Variants in TRAPPC6A observed in about 807,000 individuals in gnomAD.
The protein encoded by TRAPPC6A is trafficking protein particle complex subunit 6A.
A neutral mutation model predicts 20.8 loss-of-function variants in TRAPPC6A; 25 were observed. The ratio of observed to expected loss-of-function variants is 1.20; its 90% CI spans 0.88 to 1.68. The LOEUF is 1.68. TRAPPC6A is among the 40% of genes most tolerant of loss of function. The pLI is 0.00. For missense variants in TRAPPC6A, 215 were observed against 211.6 expected, an observed-to-expected ratio of 1.02 and a Z score of -0.10; for synonymous variants, 96 against 93.3, an observed-to-expected ratio of 1.03 and a Z score of -0.16.
chr19:45,165,000 G>A, intron 2 of TRAPPC6A, 30 bp from the exon 3 acceptor site: 1 of 1,612,350 alleles, frequency 6.2e-7, no homozygotes. Context: ...CTGAGGCCGT[G>A]GGGCCAGGCC....
At chr19:45,171,299 CACAAAACAAAACAAA>C (rs150712507) in intron 1 of TRAPPC6A, among the ~76,000 whole-genome samples, 16 of 149,950 alleles carry the variant, frequency 1.1e-4, no homozygotes, top group African/African-American at 1.7e-4. Context: ...GAGACTCAGT[CACAAAACAAAACAAA>C]ACAAAACAAA....
chr19:45,177,990 C>G, intron 1 of TRAPPC6A, 145 bp downstream of exon 1: 1 of 1,458,060 alleles, frequency 6.9e-7, no homozygotes, highest in Non-Finnish European at 9.1e-7. Context: ...ACGCCACTTT[C>G]CAAAGGAGGA....
At chr19:45,171,042 C>T (rs1350949173) in intron 1 of TRAPPC6A, among the ~76,000 whole-genome samples, 1 of 152,208 alleles carries the variant, frequency 6.6e-6, no homozygotes, top group East Asian at 1.9e-4. Flanking sequence ...GGGCTCTTGC[C>T]TGTAATCCCA....
chr19:45,165,034 C>A (rs77838861), intron 2 of TRAPPC6A, 64 bp from the exon 3 acceptor site: 65 of 1,608,556 alleles, frequency 4.0e-5, no homozygotes, highest in African/African-American at 5.3e-5. Flanking sequence ...AAGACAGGCC[C>A]GACTCCTGCA....
chr19:45,164,973 G>C lies in TRAPPC6A; in HGVS notation c.153-3C>G. ...AGGCCAGCGTCTCCCGGGGCAGCCT[G>C]GTGGGGCAGTACCAAGCTGAGGCCG... On this transcript the variant is annotated splice_polypyrimidine_tract_variant and splice_region_variant and intron_variant, in intron 2 of 5. Transcript: ENST00000585934. 1 of 1,613,988 alleles carries C rather than the reference G, an allele frequency of 6.2e-7. No homozygotes were observed. Among genetic ancestry groups the C allele is most frequent in the Non-Finnish European group, 8.5e-7 (1 of 1,179,874 alleles).
chr19:45,170,902 A>G (rs1331723272), intron 1 of TRAPPC6A, among the ~76,000 whole-genome samples: 1 of 152,242 alleles, frequency 6.6e-6, no homozygotes, highest in Non-Finnish European at 1.5e-5. Context: ...GAAAGGGCGG[A>G]GGAGGAAGGG....
At chr19:45,167,351 T>C (rs1158597766) in intron 1 of TRAPPC6A, among the ~76,000 whole-genome samples, 2 of 152,234 alleles carry the variant, frequency 1.3e-5, no homozygotes, top group Non-Finnish European at 2.9e-5. Flanking sequence ...TCCAATGCCA[T>C]ATTTCTGGTA....
At chr19:45,174,890 G>C (rs1469212108) in intron 1 of TRAPPC6A, among the ~76,000 whole-genome samples, 2 of 151,494 alleles carry the variant, frequency 1.3e-5, no homozygotes, top group East Asian at 3.9e-4. Context: ...GGAGGCCGAG[G>C]TGGGCAGATC....
intron 1 of TRAPPC6A, among the ~76,000 whole-genome samples, chr19:45,176,222 C>T (rs577207918): frequency 2.0e-5 from 3 of 151,872 alleles, no homozygotes; most frequent in South Asian, 2.1e-4. Context: ...TTTGGAAGCC[C>T]GAGGCGGGCA....
At position 45,177,426 on chromosome 19, in the gene TRAPPC6A, C is replaced by T. The variant is rs374650622; in HGVS notation, c.84+709G>A. Among the ~76,000 whole-genome samples the T allele has an allele frequency of 3.0e-4, 46 of 152,244 alleles. 1 individual carries two copies. The highest frequency in any genetic ancestry group is 1.1e-3 in the African/African-American group (44 of 41,552). ...CACAATCTTGGCTCACTGCAACCTC[C>T]GCCTCCCAGGTTCAAGCCATTCTCC... On this transcript the variant is annotated intron_variant, in intron 1 of 5. Transcript: ENST00000585934.
Position 45,163,411 on chromosome 19 carries a change from T to C in TRAPPC6A, c.449-188A>G, listed in dbSNP as rs1005594651. ...ACCAGGAGCATGAGGGCCACGGATG[T>C]GGCCCCAGGGAAGCGCCCGGCACGG... On this transcript the variant is annotated intron_variant, in intron 5 of 5. Transcript: ENST00000585934. The surrounding 1 kb of genome is among the most constrained non-coding windows in gnomAD (Gnocchi z 5.3). 6.6e-6 allele frequency among the ~76,000 whole-genome samples: 1 copy of C among 152,126 alleles called. No homozygotes were observed. The highest frequency in any genetic ancestry group is 2.4e-5 in the African/African-American group (1 of 41,428).
chr19:45,176,172 C>T (rs1361820986), intron 1 of TRAPPC6A, among the ~76,000 whole-genome samples: 1 of 151,930 alleles, frequency 6.6e-6, no homozygotes, highest in East Asian at 1.9e-4. Context: ...TTAAAAATTT[C>T]TTGGCCAGGC....
At position 45,173,529 on chromosome 19, in the gene TRAPPC6A, C is replaced by G. The variant is rs1349630216; in HGVS notation, c.84+4606G>C. ...TTTGCCTTTGAGTCTTGCTGAACCA[C>G]CTCGAAATCCCTTCCTCTACCAAGC... On this transcript the variant is annotated intron_variant, in intron 1 of 5. Coordinates refer to ENST00000585934, the MANE Select transcript of TRAPPC6A (RefSeq NM_001270891.2). The surrounding 1 kb of genome is among the most constrained non-coding windows in gnomAD (Gnocchi z 4.8). Among the ~76,000 whole-genome samples the G allele has an allele frequency of 2.0e-5, 3 of 152,226 alleles. No homozygotes were observed. Among genetic ancestry groups the G allele is most frequent in the Non-Finnish European group, 4.4e-5 (3 of 68,042 alleles).
At chr19:45,171,549 T>C (rs182654999) in intron 1 of TRAPPC6A, among the ~76,000 whole-genome samples, 66 of 152,222 alleles carry the variant, frequency 4.3e-4, no homozygotes, top group African/African-American at 1.5e-3. Flanking sequence ...GCAGAGTTCC[T>C]GGAAATGAAC....
rs148807047 is a variant in TRAPPC6A at position 45,165,137 on chromosome 19, G to A, written c.142C>T (p.Leu48=). ...EGMGFRVGQA[L]GERLPRETLA... ...AGGGGCCGCGCTCACCTCTCGCCTA[G>A]AGCCTGGCCCACACGGAACCCCATA... Residue 48 remains leucine (L), a synonymous_variant, in exon 2 of 6, where the codon CTA becomes TTA. Transcript: ENST00000585934. 5.6e-6 allele frequency: 9 copies of A among 1,611,790 alleles called. No individual in the cohort carries two copies. The African/African-American group carries it at 9.4e-5, about 17-fold the overall frequency.
At position 45,178,234 on chromosome 19, in the gene TRAPPC6A, G is replaced by C. The variant is rs374599713; in HGVS notation, c.-16C>G. 6.3e-7 allele frequency: 1 copy of C among 1,576,230 alleles called. No individual in the cohort carries two copies. The highest frequency in any genetic ancestry group is 8.6e-7 in the Non-Finnish European group (1 of 1,156,708). Reference sequence around the variant, plus strand: ...TATCCGCCATGCCCCCTCCTCGCACGCCTAAAGATGCGCCCAGCGCTTCCA... The same window carrying C: ...TATCCGCCATGCCCCCTCCTCGCACCCCTAAAGATGCGCCCAGCGCTTCCA... On this transcript the variant is annotated 5_prime_UTR_variant, in exon 1 of 6. Coordinates refer to ENST00000585934, the MANE Select transcript of TRAPPC6A (RefSeq NM_001270891.2).
rs1969082386 is a variant in TRAPPC6A at position 45,164,108 on chromosome 19, G to A, written c.354+56C>T. 3.8e-6 allele frequency: 6 copies of A among 1,560,254 alleles called. No individual in the cohort carries two copies. The African/African-American group carries it at 6.8e-5, about 18-fold the overall frequency. Reference sequence around the variant, plus strand: ...CTGGGGAAAGGCCTGATGTGGGATGGGGCTGGGTAAACAGGAGGAAGGGAG... The same window carrying A: ...CTGGGGAAAGGCCTGATGTGGGATGAGGCTGGGTAAACAGGAGGAAGGGAG... On this transcript the variant is annotated intron_variant, in intron 4 of 5. Transcript: ENST00000585934.
At position 45,163,791 on chromosome 19, in the gene TRAPPC6A, G is replaced by T; in HGVS notation, c.448+125C>A. The stretch of plus-strand genomic sequence containing the variant: ...GCACAGATGGGCCTGCACCAGCCGT[G>T]TGGCTGAGCAGGTGACTTAAAACTG... On this transcript the variant is annotated intron_variant, in intron 5 of 5. Coordinates refer to ENST00000585934, the MANE Select transcript of TRAPPC6A (RefSeq NM_001270891.2). The surrounding 1 kb of genome is among the most constrained non-coding windows in gnomAD (Gnocchi z 5.3). 1.2e-6 allele frequency: 1 copy of T among 812,882 alleles called. No individual in the cohort carries two copies. Among genetic ancestry groups the T allele is most frequent in the Non-Finnish European group, 2.0e-6 (1 of 502,948 alleles). The allele number at this position is 812,882 out of a possible 1,614,324, so 50.4% of individuals were successfully genotyped here. A position where few individuals can be genotyped will look rare whatever the true frequency, so the allele number is the denominator to read the frequency against.
At chr19:45,168,248 C>T (rs1969200868) in intron 1 of TRAPPC6A, among the ~76,000 whole-genome samples, 1 of 152,068 alleles carries the variant, frequency 6.6e-6, no homozygotes, top group Non-Finnish European at 1.5e-5. Context: ...CGTGATTCAC[C>T]CACCTCGGCC....
Sources: allele counts gnomAD v4.1 joint callset (sites outside exome capture counted in the v4.1 genomes callset), GRCh38; gene constraint gnomAD v4.1.1; non-coding constraint Gnocchi (gnomAD v3.1); transcripts MANE v1.5; gene names NCBI Gene and HGNC (gene_info 2026-07-23, HGNC 2026-07-21).